SREK1: variants seen among roughly 807,000 people sequenced by gnomAD.
The protein encoded by SREK1 is splicing regulatory glutamine/lysine-rich protein 1.
A neutral mutation model predicts 66.5 loss-of-function variants in SREK1; 13 were observed. The ratio of observed to expected loss-of-function variants is 0.20; its 90% confidence interval spans 0.13 to 0.31. The LOEUF (loss-of-function observed/expected upper bound fraction) is 0.31. Among genes scored for constraint, SREK1 ranks in the 10% least tolerant of loss-of-function variants. SREK1 has a pLI of 1.00. For missense variants in SREK1, 607 were observed against 769.6 expected (o/e 0.79, Z 2.50); for synonymous variants, 265 against 263.5 (o/e 1.01, Z -0.05).
intron 1 of SREK1, among the ~76,000 whole-genome samples, chr5:66,147,241 A>G (rs890002210): frequency 1.3e-5 from 2 of 152,196 alleles, no homozygotes; most frequent in Admixed American, 1.3e-4. Context: ...GTAGTTTGTC[A>G]TCCTTTTTTT....
Position 66,170,176 on chromosome 5 carries a change from T to G in SREK1, c.1121+6T>G. ...AGGAGTCGTTCGCATTCACGGTGAG[T>G]TTTAGAGAAATTAACAATAATTTTT... On this transcript the variant is annotated splice_donor_region_variant and intron_variant, in intron 8 of 11. Transcript: ENST00000334121. 1 of 1,601,682 alleles carries G rather than the reference T, an allele frequency of 6.2e-7. No individual in the cohort carries two copies. The highest frequency in any genetic ancestry group is 8.5e-7 in the Non-Finnish European group (1 of 1,176,104).
At chr5:66,157,283 G>C in intron 2 of SREK1, 2 of 985,084 alleles carry the variant, frequency 2.0e-6, no homozygotes, top group Non-Finnish European at 2.4e-6. Flanking sequence ...ATACTAAGTA[G>C]TCAACTTTTG....
At chr5:66,170,538 A>AG (rs757676596) in intron 8 of SREK1, 47 bp from the exon 9 acceptor site, 83 of 1,549,854 alleles carry the variant, frequency 5.4e-5, no homozygotes, top group Non-Finnish European at 6.9e-5. Flanking sequence ...TTTTTGGAGG[A>AG]GGTAGAACTA....
At chr5:66,145,240 G>A in intron 1 of SREK1, 1 of 870,486 alleles carries the variant, frequency 1.1e-6, no homozygotes, top group Non-Finnish European at 1.4e-6. Flanking sequence ...ATCTTGGCTG[G>A]CATTCACAGC....
At chr5:66,157,391 C>T in intron 2 of SREK1, 1 of 983,242 alleles carries the variant, frequency 1.0e-6, no homozygotes, top group Non-Finnish European at 1.2e-6. Context: ...AAATTTGGGA[C>T]ATTACTAGAT....
chr5:66,153,733 A>AAAGGTTTACCT, intron 2 of SREK1, 137 bp downstream of exon 2: 14 of 1,004,316 alleles, frequency 1.4e-5, no homozygotes, highest in Non-Finnish European at 1.9e-5. Context: ...GAGGAGGTAA[A>AAAGGTTTACCT]CCTTTTTACC....
intron 7 of SREK1, chr5:66,166,307 A>G (rs563586897): frequency 9.8e-5 from 15 of 152,314 alleles, no homozygotes; most frequent in African/African-American, 3.4e-4. Flanking sequence ...TGTTGATTGT[A>G]AGAGAGAGCT....
chr5:66,172,403 T>A (rs1336427933), intron 9 of SREK1, among the ~76,000 whole-genome samples: 1 of 152,168 alleles, frequency 6.6e-6, no homozygotes, highest in Non-Finnish European at 1.5e-5. Context: ...AATATATATG[T>A]ATATATTTTT....
intron 6 of SREK1, chr5:66,164,536 C>G: frequency 9.3e-6 from 13 of 1,393,594 alleles, no homozygotes; most frequent in Non-Finnish European, 1.2e-5. Context: ...ATGTTGTAAT[C>G]GTACGTTACG....
At chr5:66,165,880 G>A (rs531113386) in intron 7 of SREK1, 2 of 151,514 alleles carry the variant, frequency 1.3e-5, no homozygotes, top group Non-Finnish European at 3.0e-5. Context: ...CTTTGTTTTT[G>A]TGTGTGTGTG....
rs539645564 is a variant in SREK1, at chr5:66,159,345, T to A, written c.411+11T>A. The A allele has an allele frequency of 1.9e-6, 3 of 1,588,890 alleles. No individual in the cohort carries two copies. Among genetic ancestry groups the A allele is most frequent in the African/African-American group, 2.7e-5 (2 of 74,030 alleles). On this transcript the variant is annotated intron_variant, in intron 3 of 11. Coordinates refer to ENST00000334121, the MANE Select transcript of SREK1 (RefSeq NM_001077199.3). ...AATCCTTTGACTACTGTAAGTACTA[T>A]AAGCTGGCTTATGAAAGAGGTGAAT...
chr5:66,154,103 T>G (rs1346246309), intron 2 of SREK1, among the ~76,000 whole-genome samples: 1 of 152,206 alleles, frequency 6.6e-6, no homozygotes, highest in Non-Finnish European at 1.5e-5. Flanking sequence ...ATGTAATTGT[T>G]TGCTTTGCAA....
intron 3 of SREK1, among the ~76,000 whole-genome samples, chr5:66,159,926 C>T (rs566646987): frequency 6.6e-5 from 10 of 152,110 alleles, no homozygotes; most frequent in Admixed American, 2.0e-4. Context: ...GTCGGGAGAT[C>T]GAGACCATCC....
At chr5:66,166,911 T>C (rs936985801) in intron 7 of SREK1, 2 of 152,138 alleles carry the variant, frequency 1.3e-5, no homozygotes, top group African/African-American at 4.8e-5. Flanking sequence ...ATTCCTTACC[T>C]AAAAACATTT....
chr5:66,174,847 GT>G, intron 9 of SREK1, 98 bp from the exon 10 acceptor site: 1 of 1,094,016 alleles, frequency 9.1e-7, no homozygotes, highest in South Asian at 1.5e-5. Flanking sequence ...AAAGAATACT[GT>G]TCATATGAGA....
intron 1 of SREK1, among the ~76,000 whole-genome samples, chr5:66,148,231 A>ATAAT (rs1743438079): frequency 6.6e-6 from 1 of 152,032 alleles, no homozygotes; most frequent in Admixed American, 6.6e-5. Flanking sequence ...GCACCAACTA[A>ATAAT]TATTTTTGTA....
Position 66,159,224 on chromosome 5 carries a change from A to G in SREK1, c.301A>G (p.Ile101Val). The part of the protein sequence containing the change: ...LIVVPCAEGK[I>V]PEESKALSLL... ...TTTGGAACTTGCCTCTGCAGGTAAA[A>G]TCCCAGAGGAATCCAAAGCCCTCTC... Residue 101 changes from isoleucine to valine, a missense_variant, in exon 3 of 12, where the codon ATC becomes GTC. Ile to Val is a conservative substitution (Grantham distance 29). Coordinates refer to ENST00000334121, the MANE Select transcript of SREK1 (RefSeq NM_001077199.3). 2 of 1,610,066 alleles carry G rather than the reference A, an allele frequency of 1.2e-6. No homozygotes were observed. The highest frequency in any genetic ancestry group is 2.2e-5 in the South Asian group (2 of 90,314).
At chr5:66,162,932 G>T (rs549701754) in intron 5 of SREK1, 1 of 167,230 alleles carries the variant, frequency 6.0e-6, no homozygotes, top group East Asian at 1.7e-4. Flanking sequence ...AACTTAACAG[G>T]TGGGTTGAAC....
At chr5:66,171,021 G>A in intron 9 of SREK1, 74 bp downstream of exon 9, 18 of 1,522,016 alleles carry the variant, frequency 1.2e-5, no homozygotes, top group Non-Finnish European at 1.6e-5. Context: ...TACGGAGGGA[G>A]AAAAGGTTAC....
Sources: gnomAD v4.1 joint callset for allele counts (sites outside exome capture counted in the v4.1 genomes callset) on GRCh38, gnomAD v4.1.1 for gene constraint, MANE v1.5 for transcripts, NCBI Gene and HGNC (gene_info 2026-07-23, HGNC 2026-07-21) for gene names.